The following WDR31 variants were observed in gnomAD, a reference collection of about 807,000 sequenced individuals.
The protein encoded by WDR31 is WD repeat domain 31.
Under a neutral mutation model 47.3 loss-of-function variants are expected in WDR31, and 30 were observed. That is an observed-to-expected ratio of 0.63 (90% CI 0.47 to 0.86). The LOEUF is 0.86. WDR31 is among the 40% of genes least tolerant of loss of function. The pLI, the probability that WDR31 is intolerant of heterozygous loss-of-function variation, is 0.00. For synonymous variants in WDR31, 137 were observed against 159.4 expected, an observed-to-expected ratio of 0.86 and a Z score of 1.06; for missense variants, 406 against 442.9, an observed-to-expected ratio of 0.92 and a Z score of 0.75.
intron 10 of WDR31, among the ~76,000 whole-genome samples, chr9:113,318,012 A>T (rs550902172): frequency 2.6e-5 from 4 of 152,240 alleles, no homozygotes; most frequent in Non-Finnish European, 5.9e-5. Flanking sequence ...TGCATAAGAC[A>T]TCTTTTTTCT....
At chr9:113,320,303 G>A (rs1588039860) in intron 9 of WDR31, 54 bp downstream of exon 9, 2 of 1,600,696 alleles carry the variant, frequency 1.2e-6, no homozygotes, top group East Asian at 2.2e-5. Context: ...TGAGGCCAGA[G>A]TAAGTGATCT....
chr9:113,332,147 C>T, intron 2 of WDR31, 97 bp from the exon 3 acceptor site: 1 of 850,432 alleles, frequency 1.2e-6, no homozygotes, highest in Non-Finnish European at 1.8e-6. Context: ...TAATTGTATG[C>T]TTTTGCTTTT....
At position 113,316,560 on chromosome 9, in the gene WDR31, G is replaced by A; in HGVS notation, c.*189C>T. The A allele has an allele frequency of 1.6e-6, 1 of 633,840 alleles. No homozygotes were observed. Among genetic ancestry groups the A allele is most frequent in the Non-Finnish European group, 2.6e-6 (1 of 389,720 alleles). 39.3% of individuals were successfully genotyped at this position (633,840 alleles called of 1,614,324 possible). Reference sequence around the variant, plus strand: ...ACCTTATGTGTAGTCCATGTTTCTGGACTCTATACCTGATTTTGAATCACT... The same window carrying A: ...ACCTTATGTGTAGTCCATGTTTCTGAACTCTATACCTGATTTTGAATCACT... On this transcript the variant is annotated 3_prime_UTR_variant, in exon 11 of 11. Coordinates refer to ENST00000374193, the MANE Select transcript of WDR31 (RefSeq NM_001012361.4).
At chr9:113,333,104 T>C (rs915859319) in intron 2 of WDR31, among the ~76,000 whole-genome samples, 3 of 152,040 alleles carry the variant, frequency 2.0e-5, no homozygotes, top group Admixed American at 6.6e-5. Flanking sequence ...TATTTTTTTA[T>C]AGCAACACAA....
At chr9:113,318,694 T>C in intron 9 of WDR31, 57 bp from the exon 10 acceptor site, 1 of 1,585,100 alleles carries the variant, frequency 6.3e-7, no homozygotes, top group Non-Finnish European at 8.7e-7. Context: ...CATCCATGAA[T>C]ATCTATCTCC....
Position 113,322,894 on chromosome 9 carries a change from T to A in WDR31, c.487A>T (p.Thr163Ser). The A allele has an allele frequency of 6.2e-7, 1 of 1,614,134 alleles. No individual in the cohort carries two copies. Among genetic ancestry groups the A allele is most frequent in the Non-Finnish European group, 8.5e-7 (1 of 1,180,014 alleles). ...AGCAGGGTGTTGTCCCGAGAGCCAG[T>A]GCACAGCTGTGATGAGTCTTTGGAA... Reference protein sequence around the residue: ...AVSPDSSQLCTGSRDNTLLLW... With the variant: ...AVSPDSSQLCSGSRDNTLLLW... Residue 163 changes from threonine to serine, a missense_variant, in exon 7 of 11, where the codon ACT (threonine) becomes TCT (serine). Physicochemically the swap from Thr to Ser is moderately conservative, Grantham distance 58 (BLOSUM62 1). Transcript: ENST00000374193.
Position 113,337,062 on chromosome 9 carries a change from C to A in WDR31, c.-181-622G>T, listed in dbSNP as rs532230871. On this transcript the variant is annotated intron_variant, in intron 1 of 10. Transcript: ENST00000374193. ...AAATTCTAAATATTGATTGACAGTG[C>A]AGCTTATTCTGAGAATTAAGGGCAG... is the stretch of plus-strand genomic sequence containing the variant. Among the ~76,000 whole-genome samples the A allele has an allele frequency of 1.1e-4, 17 of 152,278 alleles. No individual in the cohort carries two copies. In the South Asian group the frequency reaches 3.5e-3, roughly 32 times the overall value.
chr9:113,332,050 C>G lies in WDR31; in HGVS notation c.-28G>C, dbSNP rs1833610478. The G allele has an allele frequency of 6.3e-6, 10 of 1,590,972 alleles. No individual in the cohort carries two copies. The highest frequency in any genetic ancestry group is 8.6e-6 in the Non-Finnish European group (10 of 1,159,756). On this transcript the variant is annotated splice_region_variant and 5_prime_UTR_variant, in exon 3 of 11. Coordinates refer to ENST00000374193, the MANE Select transcript of WDR31 (RefSeq NM_001012361.4). ...CTTGTGGCTGCTGGAAGTTGTGTTC[C>G]CTGTTTAATAAAAAGAAGAATACAT...
chr9:113,328,881 C>T lies in WDR31; in HGVS notation c.324G>A (p.Lys108=), dbSNP rs1833532565. 2 of 1,612,616 alleles carry T rather than the reference C, an allele frequency of 1.2e-6. No individual in the cohort carries two copies. Among genetic ancestry groups the T allele is most frequent in the East Asian group, 4.5e-5 (2 of 44,870 alleles). ...TTCATAATAATCATTTGAAAATTAC[C>T]TTGGTGATCTCATGTTCATGTCCTT... ...RFKGHEHEIT[K]VACIPKSSQF... The change falls in exon 5 of 11, where the codon AAG becomes AAA. Residue 108 remains lysine, a splice_region_variant and synonymous_variant. Transcript: ENST00000374193.
At chr9:113,336,833 A>C (rs1429918557) in intron 1 of WDR31, among the ~76,000 whole-genome samples, 1 of 152,218 alleles carries the variant, frequency 6.6e-6, no homozygotes, top group Non-Finnish European at 1.5e-5. Context: ...AGATCTGCAG[A>C]GTAAGGGTAG....
chr9:113,317,386 A>C (rs937569413), intron 10 of WDR31, among the ~76,000 whole-genome samples: 1 of 152,134 alleles, frequency 6.6e-6, no homozygotes, highest in Non-Finnish European at 1.5e-5. Context: ...TCTTCTAAAA[A>C]CTACAGGCGC....
chr9:113,322,417 T>C lies in WDR31; in HGVS notation c.570+394A>G, dbSNP rs527672497. ...TGCAAATTCTACATAAAGCAAAAGG[T>C]AATGCTTATTTCTCCACATGATGTT... On this transcript the variant is annotated intron_variant, in intron 7 of 10. Transcript: ENST00000374193. Among the ~76,000 whole-genome samples, 3 of 152,218 alleles carry C rather than the reference T, an allele frequency of 2.0e-5. No homozygotes were observed. The South Asian group carries it at 6.2e-4, about 32-fold the overall frequency.
intron 9 of WDR31, among the ~76,000 whole-genome samples, chr9:113,319,203 T>C (rs1588039123): frequency 6.6e-6 from 1 of 152,334 alleles, no homozygotes; most frequent in East Asian, 1.9e-4. Context: ...CCCACTCTCA[T>C]TGATACAGAT....
chr9:113,317,226 C>A (rs1833226128), intron 10 of WDR31, among the ~76,000 whole-genome samples: 1 of 152,120 alleles, frequency 6.6e-6, no homozygotes, highest in Non-Finnish European at 1.5e-5. Context: ...AGGGCCCAGG[C>A]AGGGAAAAAC....
intron 5 of WDR31, among the ~76,000 whole-genome samples, chr9:113,326,232 T>G (rs1327831957): frequency 6.6e-6 from 1 of 152,214 alleles, no homozygotes; most frequent in Non-Finnish European, 1.5e-5. Context: ...TTTAATAATA[T>G]ACCTTCAACT....
chr9:113,323,351 T>C (rs1339217368), intron 5 of WDR31, among the ~76,000 whole-genome samples, 196 bp from the exon 6 acceptor site: 1 of 152,004 alleles, frequency 6.6e-6, no homozygotes, highest in South Asian at 2.1e-4. Context: ...AACCTCCACC[T>C]CCTGGGTTCA....
chr9:113,321,423 T>G (rs2118786927), intron 8 of WDR31, 88 bp downstream of exon 8: 15 of 1,327,272 alleles, frequency 1.1e-5, no homozygotes, highest in Non-Finnish European at 1.6e-5. Context: ...CAGAGCAATG[T>G]GGAGAATCAG....
rs1833256369 is a variant in WDR31, at chr9:113,318,459, A to G, written c.943+16T>C. On this transcript the variant is annotated intron_variant, in intron 10 of 10. Coordinates refer to ENST00000374193, the MANE Select transcript of WDR31 (RefSeq NM_001012361.4). ...TTCATGTATCTTTTGAGGAGAACTA[A>G]CAGCAGGCTGCTTACCTCCAGTATC... 1 of 1,614,176 alleles carries G rather than the reference A, an allele frequency of 6.2e-7. No homozygotes were observed. Among genetic ancestry groups the G allele is most frequent in the Non-Finnish European group, 8.5e-7 (1 of 1,179,996 alleles).
intron 5 of WDR31, among the ~76,000 whole-genome samples, chr9:113,324,481 C>T (rs890442342): frequency 1.3e-5 from 2 of 151,730 alleles, no homozygotes; most frequent in Admixed American, 6.6e-5. Context: ...CCTTCCCTTC[C>T]CGGGCTCAAG....
Sources: allele counts gnomAD v4.1 joint callset (sites outside exome capture counted in the v4.1 genomes callset), GRCh38; gene constraint gnomAD v4.1.1; transcripts MANE v1.5; gene names NCBI Gene and HGNC (gene_info 2026-07-23, HGNC 2026-07-21).